Variants in SSH2 observed in about 807,000 individuals in gnomAD.
SSH2 encodes protein phosphatase Slingshot homolog 2.
SSH2 carries 37 observed loss-of-function variants against 135.2 expected under a neutral mutation model. That is an observed-to-expected ratio of 0.27 (90% confidence interval 0.21 to 0.36). The LOEUF (loss-of-function observed/expected upper bound fraction) is 0.36, where lower values mean the gene tolerates loss of function less well. SSH2 is among the 10% of genes least tolerant of loss of function. The pLI is 1.00. For synonymous variants in SSH2, 628 were observed against 646.2 expected (o/e 0.97, Z 0.43); for missense variants, 1,408 against 1,765.3 (o/e 0.80, Z 3.63).
At chr17:29,874,673 G>A (rs2065998434) in intron 1 of SSH2, among the ~76,000 whole-genome samples, 1 of 152,132 alleles carries the variant, frequency 6.6e-6, no homozygotes, top group Non-Finnish European at 1.5e-5. Flanking sequence ...GCTGAATTGT[G>A]AGTTGATTAA....
intron 3 of SSH2, among the ~76,000 whole-genome samples, chr17:29,703,848 G>A (rs1462678343): frequency 1.3e-5 from 2 of 152,328 alleles, no homozygotes; most frequent in Admixed American, 6.5e-5. Flanking sequence ...CAAAGTGCTA[G>A]GACTACAGAT....
intron 3 of SSH2, chr17:29,716,654 CG>C: frequency 1.5e-6 from 1 of 652,424 alleles, no homozygotes; most frequent in Non-Finnish European, 2.9e-6. Context: ...GAACATATAT[CG>C]GGTGCCTCTC....
chr17:29,913,348 ATATATATATATAT>A (rs1267318398), intron 1 of SSH2, among the ~76,000 whole-genome samples: 5 of 13,694 alleles, frequency 3.7e-4, no homozygotes, highest in African/African-American at 9.0e-4. Context: ...AAAAAAAAAA[ATATATATATATAT>A]ATATATATAT....
chr17:29,917,019 T>TA (rs777648253), intron 1 of SSH2, among the ~76,000 whole-genome samples: 7,067 of 129,460 alleles, frequency 0.055, 228 homozygotes, highest in African/African-American at 0.1. Flanking sequence ...TCTGTAGCAG[T>TA]AAAAAAAAAA....
chr17:29,762,990 GC>G (rs2041358686), intron 3 of SSH2, among the ~76,000 whole-genome samples: 1 of 152,140 alleles, frequency 6.6e-6, no homozygotes, highest in African/African-American at 2.4e-5. Context: ...GACTCAACAT[GC>G]TATAATCAAG....
In SSH2 at chr17:29,630,712, G is replaced by A; in HGVS notation, c.*129C>T. On this transcript the variant is annotated 3_prime_UTR_variant, in exon 16 of 16. Coordinates refer to ENST00000540801, the MANE Select transcript of SSH2 (RefSeq NM_001282129.2). ...ACACACTGAAAAACACCCAAACCCTGCATGCACCAGAAACAGTAAAATGAC... is the reference window on the plus strand; with the variant it reads ...ACACACTGAAAAACACCCAAACCCTACATGCACCAGAAACAGTAAAATGAC... 1 of 949,838 alleles carries A rather than the reference G, an allele frequency of 1.1e-6. No homozygotes were observed. The highest frequency in any genetic ancestry group is 1.8e-5 in the South Asian group (1 of 54,458). 58.8% of individuals were successfully genotyped at this position (949,838 alleles called of 1,614,324 possible).
intron 1 of SSH2, among the ~76,000 whole-genome samples, chr17:29,881,563 A>T (rs990107983): frequency 1.3e-5 from 2 of 151,672 alleles, no homozygotes; most frequent in Non-Finnish European, 2.9e-5. Flanking sequence ...GTGCAGTGGC[A>T]CAATCTTGGC....
chr17:29,912,914 A>C (rs969811673), intron 1 of SSH2, among the ~76,000 whole-genome samples: 2 of 152,050 alleles, frequency 1.3e-5, no homozygotes, highest in Non-Finnish European at 2.9e-5. Flanking sequence ...CAGCTTCACT[A>C]ATGTATGTCA....
intron 1 of SSH2, among the ~76,000 whole-genome samples, chr17:29,885,349 A>T (rs1159068750): frequency 5.7e-4 from 4 of 7,012 alleles, no homozygotes; most frequent in South Asian, 5.9e-3. Flanking sequence ...ATTGTATCAT[A>T]AAAAAAAAAA....
intron 1 of SSH2, among the ~76,000 whole-genome samples, chr17:29,926,498 G>C (rs902705701): frequency 2.0e-5 from 3 of 151,438 alleles, no homozygotes; most frequent in Non-Finnish European, 4.4e-5. Flanking sequence ...AGGTTGCAGT[G>C]AGCCGAGATT....
At position 29,823,972 on chromosome 17, in the gene SSH2, G is replaced by A. The variant is rs145964764; in HGVS notation, c.144+24877C>T. On this transcript the variant is annotated intron_variant, in intron 2 of 15. Transcript: ENST00000540801. ...AATCCCATCTAAAGGCTTTTATACTGAATTGCTACAGAAGAAAGGTGTTTT... is the reference window on the plus strand; with the variant it reads ...AATCCCATCTAAAGGCTTTTATACTAAATTGCTACAGAAGAAAGGTGTTTT... 3.3e-5 allele frequency among the ~76,000 whole-genome samples: 5 copies of A among 151,204 alleles called. No homozygotes were observed. The East Asian group carries it at 9.7e-4, about 29-fold the overall frequency.
At chr17:29,761,860 T>TGTGG (rs2041321587) in intron 3 of SSH2, among the ~76,000 whole-genome samples, 1 of 134,518 alleles carries the variant, frequency 7.4e-6, no homozygotes, top group African/African-American at 3.0e-5. Context: ...TGTGTGTGTG[T>TGTGG]GTGTGTGTGT....
At chr17:29,636,875 T>A in intron 14 of SSH2, 73 bp from the exon 15 acceptor site, 5 of 1,054,028 alleles carry the variant, frequency 4.7e-6, no homozygotes, top group Non-Finnish European at 6.9e-6. Context: ...AGGAAAACAC[T>A]CCCAGATAAA....
At chr17:29,760,113 A>G (rs560457374) in intron 3 of SSH2, among the ~76,000 whole-genome samples, 2 of 152,342 alleles carry the variant, frequency 1.3e-5, no homozygotes, top group East Asian at 3.9e-4. Flanking sequence ...GTAGGATAGG[A>G]GGGCAAACCA....
At chr17:29,722,164 A>G (rs913819333) in intron 3 of SSH2, among the ~76,000 whole-genome samples, 1 of 151,612 alleles carries the variant, frequency 6.6e-6, no homozygotes, top group African/African-American at 2.4e-5. Context: ...AATCCCAGCT[A>G]CTCGGGAGGC....
At chr17:29,835,681 T>C (rs73263669) in intron 2 of SSH2, among the ~76,000 whole-genome samples, 2,207 of 152,360 alleles carry the variant, frequency 0.014, 56 homozygotes, top group African/African-American at 0.049. Flanking sequence ...GAGCAGATTT[T>C]CAGCTTCTTT....
At chr17:29,644,095 A>G (rs2036277323) in intron 14 of SSH2, among the ~76,000 whole-genome samples, 1 of 152,162 alleles carries the variant, frequency 6.6e-6, no homozygotes, top group South Asian at 2.1e-4. Flanking sequence ...GTTTCTTTTT[A>G]AAGGAGATGA....
At chr17:29,720,168 T>C (rs750016776) in intron 3 of SSH2, among the ~76,000 whole-genome samples, 14 of 152,188 alleles carry the variant, frequency 9.2e-5, no homozygotes, top group Non-Finnish European at 1.8e-4. Flanking sequence ...CACAGTCCCA[T>C]TGTAGTGTTA....
chr17:29,778,651 TAAATAAATAA>T (rs1275059854), intron 3 of SSH2, among the ~76,000 whole-genome samples: 2 of 134,402 alleles, frequency 1.5e-5, no homozygotes, highest in African/African-American at 5.5e-5. Context: ...AAAAAATAAA[TAAATAAATAA>T]AAATAAATAA....
Sources: allele counts gnomAD v4.1 joint callset (sites outside exome capture counted in the v4.1 genomes callset), GRCh38; gene constraint gnomAD v4.1.1; transcripts MANE v1.5; gene names NCBI Gene and HGNC (gene_info 2026-07-23, HGNC 2026-07-21).